The following DNAH10 variants were observed in gnomAD, a reference collection of about 807,000 sequenced individuals.
DNAH10 encodes dynein axonemal heavy chain 10, also known as axonemal beta dynein heavy chain 10.
A neutral mutation model predicts 506.6 loss-of-function variants in DNAH10; 348 were observed. That is an observed-to-expected ratio of 0.69 (90% CI 0.63 to 0.75). The LOEUF is 0.75. Among genes scored for constraint, DNAH10 ranks in the 30% least tolerant of loss-of-function variants. The probability of loss-of-function intolerance (pLI) is 0.00; values close to 1 mark genes in which losing one functional copy is unlikely to be tolerated. For synonymous variants in DNAH10, 2,059 were observed against 2,198.6 expected (o/e 0.94, Z 1.78); for missense variants, 5,179 against 5,787.1 (o/e 0.89, Z 3.41).
intron 5 of DNAH10, among the ~76,000 whole-genome samples, chr12:123,777,102 C>T (rs1477195242): frequency 1.3e-5 from 2 of 152,156 alleles, no homozygotes; most frequent in African/African-American, 4.8e-5. Context: ...TCCTCTTTTG[C>T]TTGGACTATC....
chr12:123,840,262 T>G (rs1216084440), intron 29 of DNAH10, among the ~76,000 whole-genome samples: 1 of 152,144 alleles, frequency 6.6e-6, no homozygotes, highest in East Asian at 1.9e-4. Flanking sequence ...AACAGAGCAC[T>G]TAGGAACGAG....
At chr12:123,899,461 T>C (rs1953416727) in intron 56 of DNAH10, among the ~76,000 whole-genome samples, 1 of 152,170 alleles carries the variant, frequency 6.6e-6, no homozygotes, top group African/African-American at 2.4e-5. Flanking sequence ...CTCCTGCTGG[T>C]CCGTGTTCGT....
chr12:123,808,328 G>A (rs954643631), intron 18 of DNAH10, among the ~76,000 whole-genome samples: 14 of 152,134 alleles, frequency 9.2e-5, no homozygotes, highest in Non-Finnish European at 1.6e-4. Context: ...ACTGCGCCCC[G>A]CTAGATGTTT....
rs192691430 is a variant in DNAH10 at position 123,850,302 on chromosome 12, C to T, written c.6103-586C>T. Reference sequence around the variant, plus strand: ...AAAAGGCTAAGAATATAGGGATTTCCGTGGTTTGTTGGTACCTGGGGCAAC... The same window carrying T: ...AAAAGGCTAAGAATATAGGGATTTCTGTGGTTTGTTGGTACCTGGGGCAAC... On this transcript the variant is annotated intron_variant, in intron 34 of 78. Transcript: ENST00000673944. This position sits in a 1 kb window ranked among gnomAD's most constrained non-coding sequence, Gnocchi z 5.5. Among the ~76,000 whole-genome samples the T allele has an allele frequency of 2.4e-4, 37 of 151,874 alleles. No homozygotes were observed. Among genetic ancestry groups the T allele is most frequent in the Admixed American group, 7.9e-4 (12 of 15,246 alleles).
intron 4 of DNAH10, 135 bp from the exon 5 acceptor site, chr12:123,774,014 G>C: frequency 1.6e-6 from 1 of 634,966 alleles, no homozygotes; most frequent in Non-Finnish European, 2.7e-6. Context: ...ACAAATAGGG[G>C]ATATTCTGAA....
rs1052745122 is a variant in DNAH10, at chr12:123,787,638, T to C, written c.1422-166T>C. Among the ~76,000 whole-genome samples the C allele has an allele frequency of 6.6e-6, 1 of 152,202 alleles. No homozygotes were observed. Among genetic ancestry groups the C allele is most frequent in the African/African-American group, 2.4e-5 (1 of 41,458 alleles). ...AGCTTGGGACTCCCGCCCTTGCACA[T>C]GGGACAGGGCAGCCGCTTGCCCGCT... On this transcript the variant is annotated intron_variant, in intron 9 of 78. Coordinates refer to ENST00000673944, the MANE Select transcript of DNAH10 (RefSeq NM_001372106.1). This position sits in a 1 kb window ranked among gnomAD's most constrained non-coding sequence, Gnocchi z 4.6.
intron 30 of DNAH10, among the ~76,000 whole-genome samples, chr12:123,844,958 C>T (rs1313347928): frequency 6.6e-6 from 1 of 152,122 alleles, no homozygotes; most frequent in Non-Finnish European, 1.5e-5. Context: ...TGTTTTACTT[C>T]TTACATAAAC....
intron 51 of DNAH10, among the ~76,000 whole-genome samples, chr12:123,885,026 G>A (rs1369457316): frequency 1.3e-5 from 2 of 152,116 alleles, no homozygotes; most frequent in Non-Finnish European, 2.9e-5. Flanking sequence ...ATCATAAGTT[G>A]AAAATATTAT....
At chr12:123,901,977 T>C (rs1953544357) in intron 56 of DNAH10, among the ~76,000 whole-genome samples, 1 of 152,160 alleles carries the variant, frequency 6.6e-6, no homozygotes, top group East Asian at 1.9e-4. Context: ...AGAAATTTAT[T>C]CTCTCACAGT....
chr12:123,762,565 G>A lies in DNAH10; in HGVS notation c.214+15G>A, dbSNP rs748754034. 1.3e-6 allele frequency: 2 copies of A among 1,542,468 alleles called. No homozygotes were observed. The highest frequency in any genetic ancestry group is 1.7e-6 in the Non-Finnish European group (2 of 1,145,052). On this transcript the variant is annotated intron_variant, in intron 1 of 78. Coordinates refer to ENST00000673944, the MANE Select transcript of DNAH10 (RefSeq NM_001372106.1). This position sits in a 1 kb window ranked among gnomAD's most constrained non-coding sequence, Gnocchi z 5.0. ...GGTGGAGATTGGTGAGCCTCGACGCGCCGCTCCCTTCCCCGGGCTTCCCTC... is the reference window on the plus strand; with the variant it reads ...GGTGGAGATTGGTGAGCCTCGACGCACCGCTCCCTTCCCCGGGCTTCCCTC...
chr12:123,914,183 G>T, intron 60 of DNAH10, 146 bp from the exon 61 acceptor site: 1 of 752,022 alleles, frequency 1.3e-6, no homozygotes, highest in Admixed American at 2.9e-5. Flanking sequence ...GTTGGTCTCT[G>T]TTCCTCACAA....
chr12:123,842,222 C>A (rs1950800369), intron 30 of DNAH10, among the ~76,000 whole-genome samples: 1 of 152,166 alleles, frequency 6.6e-6, no homozygotes. Flanking sequence ...GCGTGTGAAC[C>A]CCTGACTTAG....
rs1234182186 is a variant in DNAH10, at chr12:123,838,524, C to T, written c.4971C>T (p.Asp1657=). The change falls in exon 29 of 79, where the codon GAC becomes GAT. Residue 1657 remains aspartate (D), a synonymous_variant. Coordinates refer to ENST00000673944, the MANE Select transcript of DNAH10 (RefSeq NM_001372106.1). ...GTGAAGCCCCAAACCGCCTCAGTGA[C>T]CTACAGAACGTCAGCGAGGGCCTGG... ...RCCEAPNRLS[D]LQNVSEGLEK... is the part of the protein sequence containing the mutation. The T allele has an allele frequency of 6.2e-7, 1 of 1,614,036 alleles. No individual in the cohort carries two copies. Among genetic ancestry groups the T allele is most frequent in the East Asian group, 2.2e-5 (1 of 44,888 alleles).
intron 1 of DNAH10, among the ~76,000 whole-genome samples, chr12:123,765,734 C>T (rs1237812851): frequency 6.6e-6 from 1 of 151,052 alleles, no homozygotes; most frequent in Non-Finnish European, 1.5e-5. Flanking sequence ...TATCATCTAT[C>T]CATCTATCAA....
chr12:123,799,405 C>A, intron 14 of DNAH10, 34 bp downstream of exon 14: 1 of 1,598,930 alleles, frequency 6.3e-7, no homozygotes, highest in Non-Finnish European at 8.5e-7. Flanking sequence ...CCGATTGCCG[C>A]GTGAGACGAT....
At position 123,919,755 on chromosome 12, in the gene DNAH10, C is replaced by A. The variant is rs1331166477; in HGVS notation, c.11506+806C>A. ...TGGTATCTTTCACTCCACTCCGTGA[C>A]CTCACGGTTCATCCGTGTTGCTGCG... is the stretch of plus-strand genomic sequence containing the variant. On this transcript the variant is annotated intron_variant, in intron 65 of 78. Coordinates refer to ENST00000673944, the MANE Select transcript of DNAH10 (RefSeq NM_001372106.1). The surrounding 1 kb of genome is among the most constrained non-coding windows in gnomAD (Gnocchi z 4.9). Among the ~76,000 whole-genome samples the A allele has an allele frequency of 2.0e-5, 3 of 152,250 alleles. No individual in the cohort carries two copies. Among genetic ancestry groups the A allele is most frequent in the East Asian group, 3.8e-4 (2 of 5,196 alleles).
intron 18 of DNAH10, among the ~76,000 whole-genome samples, chr12:123,807,344 C>T (rs759763852): frequency 2.6e-5 from 4 of 152,076 alleles, no homozygotes; most frequent in Non-Finnish European, 4.4e-5. Context: ...AGGCAGGACA[C>T]AGGGAAACAG....
chr12:123,861,837 A>G (rs898513462), intron 39 of DNAH10, among the ~76,000 whole-genome samples: 2 of 152,260 alleles, frequency 1.3e-5, no homozygotes, highest in Admixed American at 6.5e-5. Context: ...GTCCCAACTC[A>G]TGGCTTTTAA....
chr12:123,838,891 C>T (rs986384921), intron 29 of DNAH10, among the ~76,000 whole-genome samples: 1 of 152,194 alleles, frequency 6.6e-6, no homozygotes, highest in African/African-American at 2.4e-5. Flanking sequence ...TGGCTCATTG[C>T]AGCCTCCACC....
Sources: gnomAD v4.1 joint callset for allele counts (sites outside exome capture counted in the v4.1 genomes callset) on GRCh38, gnomAD v4.1.1 for gene constraint, Gnocchi (gnomAD v3.1) non-coding constraint, MANE v1.5 for transcripts, NCBI Gene and HGNC (gene_info 2026-07-23, HGNC 2026-07-21) for gene names.